TGM2: variants seen among roughly 807,000 people sequenced by gnomAD.
The protein encoded by TGM2 is protein-glutamine gamma-glutamyltransferase 2.
TGM2 carries 53 observed loss-of-function variants against 75.6 expected under a neutral mutation model. The observed-to-expected ratio is 0.70, with a 90% CI of 0.56 to 0.88. TGM2 has a LOEUF of 0.88. Among genes scored for constraint, TGM2 ranks in the 40% least tolerant of loss-of-function variants. TGM2 has a pLI of 0.00. For missense variants in TGM2, 842 were observed against 928.5 expected (o/e 0.91, Z 1.21); for synonymous variants, 374 against 381.1 (o/e 0.98, Z 0.22).
intron 10 of TGM2, 189 bp downstream of exon 10, chr20:38,137,924 C>T: frequency 7.5e-7 from 1 of 1,331,644 alleles, no homozygotes; most frequent in South Asian, 1.6e-5. Flanking sequence ...TGTTAGAATC[C>T]ACCCCCTCAC....
At chr20:38,131,330 A>T in intron 11 of TGM2, 101 bp from the exon 12 acceptor site, 2 of 1,551,684 alleles carry the variant, frequency 1.3e-6, no homozygotes, top group Non-Finnish European at 1.8e-6. Context: ...ACAAAGCTGT[A>T]CCCAGGTCTG....
chr20:38,141,687 T>C (rs945633435), intron 7 of TGM2, among the ~76,000 whole-genome samples: 1 of 151,934 alleles, frequency 6.6e-6, no homozygotes, highest in Non-Finnish European at 1.5e-5. Flanking sequence ...TTTCTGTCCG[T>C]TCAGGGCTTA....
chr20:38,165,479 A>G (rs1470003211), upstream of TGM2: 5 of 555,032 alleles, frequency 9.0e-6, no homozygotes, highest in African/African-American at 8.1e-5. Context: ...AGGGACACAC[A>G]ACTAGCCCAG....
intron 2 of TGM2, among the ~76,000 whole-genome samples, chr20:38,160,399 G>A (rs2075239650): frequency 1.3e-5 from 2 of 152,180 alleles, no homozygotes; most frequent in Admixed American, 1.3e-4. Flanking sequence ...GAGACGCCTG[G>A]GGACTTGGTG....
chr20:38,146,665 T>C, intron 6 of TGM2, 52 bp downstream of exon 6: 1 of 1,606,722 alleles, frequency 6.2e-7, no homozygotes, highest in Non-Finnish European at 8.5e-7. Context: ...ACTCCAGTGC[T>C]CTTCGTGCCC....
At chr20:38,144,365 C>G (rs2075017459) in intron 6 of TGM2, among the ~76,000 whole-genome samples, 1 of 152,206 alleles carries the variant, frequency 6.6e-6, no homozygotes, top group Non-Finnish European at 1.5e-5. Context: ...TGGGCACAGC[C>G]TTGTCTGCCC....
At position 38,138,397 on chromosome 20, in the gene TGM2, G is replaced by C. The variant is rs1472154833; in HGVS notation, c.1343-12C>G. The C allele has an allele frequency of 3.1e-6, 5 of 1,613,422 alleles. No homozygotes were observed. Among genetic ancestry groups the C allele is most frequent in the Admixed American group, 1.7e-5 (1 of 60,000 alleles). ...CTCCTCTGAGGACCCTGTAGGGGTT[G>C]AGAAGAGAGCCTCAATCACAGCTGG... On this transcript the variant is annotated splice_polypyrimidine_tract_variant and intron_variant, in intron 9 of 12. Coordinates refer to ENST00000361475, the MANE Select transcript of TGM2 (RefSeq NM_004613.4).
intron 2 of TGM2, among the ~76,000 whole-genome samples, chr20:38,160,054 C>T (rs1180505712): frequency 6.6e-6 from 1 of 152,148 alleles, no homozygotes; most frequent in Non-Finnish European, 1.5e-5. Flanking sequence ...TGTGGGGGAG[C>T]CCCTGGGCAG....
chr20:38,144,974 G>T (rs1312603494), intron 6 of TGM2, among the ~76,000 whole-genome samples: 1 of 152,216 alleles, frequency 6.6e-6, no homozygotes, highest in Non-Finnish European at 1.5e-5. Context: ...TTCTGCCGGT[G>T]AGCCTGGGGA....
chr20:38,156,180 G>A (rs1441365889), intron 2 of TGM2, 91 bp from the exon 3 acceptor site: 5 of 1,451,106 alleles, frequency 3.4e-6, no homozygotes, highest in African/African-American at 2.8e-5. Context: ...TGGGCTCCAG[G>A]CCTAGTTCTG....
chr20:38,149,678 C>CAAAAAAAAA lies in TGM2; in HGVS notation c.552+1252_552+1260dup, dbSNP rs1199376180. Among the ~76,000 whole-genome samples, 40 of 40,438 alleles carry CAAAAAAAAA rather than the reference C, an allele frequency of 9.9e-4. 2 individuals are homozygous for CAAAAAAAAA. The highest frequency in any genetic ancestry group is 7.5e-3 in the East Asian group (9 of 1,198). 26.5% of individuals were successfully genotyped at this position (40,438 alleles called of 152,430 possible). Reference sequence around the variant, plus strand: ...TGGGCAACAGAGCGAGACTCCGCCTCAAAAAAAAAAAAAAAAAAAAAAACA... The same window carrying CAAAAAAAAA: ...TGGGCAACAGAGCGAGACTCCGCCTCAAAAAAAAAAAAAAAAAAAAAAAAAAAAAAAACA... On this transcript the variant is annotated intron_variant, in intron 4 of 12. Transcript: ENST00000361475.
chr20:38,139,753 A>C, intron 8 of TGM2, 99 bp from the exon 9 acceptor site: 9 of 1,503,226 alleles, frequency 6.0e-6, no homozygotes, highest in South Asian at 1.2e-5. Flanking sequence ...CAAAAACCTC[A>C]AGACCACGCG....
In TGM2 at chr20:38,128,277, C is replaced by CTTG. The variant is rs2074786638; in HGVS notation, c.*1941_*1942insCAA. The CTTG allele has an allele frequency of 6.6e-6, 1 of 152,248 alleles. No homozygotes were observed. The highest frequency in any genetic ancestry group is 1.5e-5 in the Non-Finnish European group (1 of 68,086). 9.4% of individuals were successfully genotyped at this position (152,248 alleles called of 1,614,324 possible). A position where few individuals can be genotyped will look rare whatever the true frequency, so the allele number is the denominator to read the frequency against. On this transcript the variant is annotated 3_prime_UTR_variant, in exon 13 of 13. Transcript: ENST00000361475. The stretch of plus-strand genomic sequence containing the variant: ...AAGTTAATTGTGGCCCAAAAACAGA[C>CTTG]TGTTGGTGGAAGGGGCCGGAGATGG...
intron 1 of TGM2, 89 bp downstream of exon 1, chr20:38,165,100 T>C: frequency 6.2e-7 from 1 of 1,601,940 alleles, no homozygotes; most frequent in Non-Finnish European, 8.5e-7. Context: ...GCTCTCCAAA[T>C]CAGGACTTAG....
At chr20:38,154,833 C>T (rs1466376062) in intron 3 of TGM2, among the ~76,000 whole-genome samples, 3 of 151,966 alleles carry the variant, frequency 2.0e-5, no homozygotes, top group Non-Finnish European at 2.9e-5. Flanking sequence ...CAGCCGGGCA[C>T]GGTGGCTCAC....
Position 38,151,009 on chromosome 20 carries a change from AGGACATACT to A in TGM2, c.473_481del (p.Glu158_Leu161delinsVal). 1 of 1,614,174 alleles carries A rather than the reference AGGACATACT, an allele frequency of 6.2e-7. No homozygotes were observed. Among genetic ancestry groups the A allele is most frequent in the Non-Finnish European group, 8.5e-7 (1 of 1,180,026 alleles). ...CTGGTAGATAAAGCCCTGCTGGGTG[AGGACATACT>A]CCTGCCGCTCCTCTTCCGAGTCCAG... On this transcript the variant is annotated inframe_deletion, in exon 4 of 13. Coordinates refer to ENST00000361475, the MANE Select transcript of TGM2 (RefSeq NM_004613.4).
chr20:38,163,175 G>T (rs528516206), intron 1 of TGM2, among the ~76,000 whole-genome samples: 6 of 152,174 alleles, frequency 3.9e-5, no homozygotes. Flanking sequence ...GGTCTTGGGG[G>T]AAAACAAATC....
chr20:38,163,618 T>C lies in TGM2; in HGVS notation c.10+1571A>G, dbSNP rs528698922. Reference sequence around the variant, plus strand: ...GCTCAGTTTTTTCTCCAGCCCCTCTTATGACCACCCCTTCGCCACCATGTC... The same window carrying C: ...GCTCAGTTTTTTCTCCAGCCCCTCTCATGACCACCCCTTCGCCACCATGTC... On this transcript the variant is annotated intron_variant, in intron 1 of 12. Transcript: ENST00000361475. Among the ~76,000 whole-genome samples the C allele has an allele frequency of 9.2e-5, 14 of 152,208 alleles. 1 individual carries two copies. The South Asian group carries it at 2.9e-3, about 32-fold the overall frequency.
chr20:38,163,715 A>C (rs2075280543), intron 1 of TGM2, among the ~76,000 whole-genome samples: 1 of 152,212 alleles, frequency 6.6e-6, no homozygotes, highest in Non-Finnish European at 1.5e-5. Flanking sequence ...GTCCCCGTGT[A>C]ATCACAACAG....
Sources: gnomAD v4.1 joint callset for allele counts (sites outside exome capture counted in the v4.1 genomes callset) on GRCh38, gnomAD v4.1.1 for gene constraint, MANE v1.5 for transcripts, NCBI Gene and HGNC (gene_info 2026-07-23, HGNC 2026-07-21) for gene names.